Variants in LSAMP observed in about 807,000 individuals in gnomAD.
The protein encoded by LSAMP is limbic system associated membrane protein.
LSAMP carries 7 observed loss-of-function variants against 38.6 expected under a neutral mutation model. The ratio of observed to expected loss-of-function variants is 0.18; its 90% confidence interval spans 0.10 to 0.34. LSAMP has a LOEUF of 0.34. Among genes scored for constraint, LSAMP ranks in the 10% least tolerant of loss-of-function variants. The probability of loss-of-function intolerance (pLI) is 1.00; values close to 1 mark genes in which losing one functional copy is unlikely to be tolerated. For missense variants in LSAMP, 313 were observed against 420.0 expected (o/e 0.75, Z 2.23); for synonymous variants, 154 against 166.8 (o/e 0.92, Z 0.59).
In LSAMP at chr3:116,274,954, C is replaced by CAAAA. The variant is rs10662824; in HGVS notation, c.155+169919_155+169922dup. ...AGGAATAACATCGAGTAAAAATAGC[C>CAAAA]AAAAAAAAAAAAAAACTGCTGCCCA... On this transcript the variant is annotated intron_variant, in intron 1 of 6. Coordinates refer to ENST00000490035, the MANE Select transcript of LSAMP (RefSeq NM_002338.5). Among the ~76,000 whole-genome samples, 163 of 136,304 alleles carry CAAAA rather than the reference C, an allele frequency of 1.2e-3. 2 individuals are homozygous for CAAAA. Among genetic ancestry groups the CAAAA allele is most frequent in the East Asian group, 6.3e-3 (30 of 4,752 alleles). 89.4% of individuals were successfully genotyped at this position (136,304 alleles called of 152,430 possible).
intron 6 of LSAMP, among the ~76,000 whole-genome samples, chr3:115,838,840 T>A (rs1171586276): frequency 6.6e-6 from 1 of 152,216 alleles, no homozygotes; most frequent in Non-Finnish European, 1.5e-5. Context: ...GTGTGAAAAG[T>A]CAGCTCATCA....
chr3:116,003,169 T>C (rs539844048), intron 3 of LSAMP, among the ~76,000 whole-genome samples: 1 of 152,186 alleles, frequency 6.6e-6, no homozygotes, highest in Non-Finnish European at 1.5e-5. Context: ...TAGATCCTTA[T>C]ATGACTGAAG....
chr3:115,872,325 AGTT>A (rs1405376612), intron 3 of LSAMP, among the ~76,000 whole-genome samples: 6 of 152,146 alleles, frequency 3.9e-5, no homozygotes, highest in Non-Finnish European at 7.4e-5. Context: ...CTTATCCTTT[AGTT>A]GTTATAACTA....
chr3:116,049,107 C>A (rs1325076504), intron 2 of LSAMP, among the ~76,000 whole-genome samples: 2 of 152,188 alleles, frequency 1.3e-5, no homozygotes, highest in Admixed American at 1.3e-4. Flanking sequence ...TGTTACAGAG[C>A]ATTGAAATGC....
In LSAMP at chr3:116,019,591, G is replaced by A; in HGVS notation, c.438C>T (p.Gly146=). 6.2e-7 allele frequency: 1 copy of A among 1,613,018 alleles called. No homozygotes were observed. Among genetic ancestry groups the A allele is most frequent in the Non-Finnish European group, 8.5e-7 (1 of 1,179,174 alleles). ...NISSDVTVNE[G]SNVTLVCMAN... is the part of the protein sequence containing the mutation. ...CCATGCAGACCAGAGTCACGTTGCT[G>A]CCCTCATTCACAGTGACATCCGAGG... Residue 146 remains glycine, a synonymous_variant, in exon 3 of 7, where the codon GGC becomes GGT. Coordinates refer to ENST00000490035, the MANE Select transcript of LSAMP (RefSeq NM_002338.5).
intron 1 of LSAMP, among the ~76,000 whole-genome samples, chr3:116,195,622 A>G (rs1710863879): frequency 6.6e-6 from 1 of 152,192 alleles, no homozygotes; most frequent in South Asian, 2.1e-4. Context: ...GAAATAGCAC[A>G]TACTTAGTCA....
At chr3:116,165,458 A>C (rs1472100357) in intron 1 of LSAMP, among the ~76,000 whole-genome samples, 2 of 152,186 alleles carry the variant, frequency 1.3e-5, no homozygotes, top group African/African-American at 4.8e-5. Context: ...AGGATAAAGA[A>C]AGAGAAAATA....
intron 3 of LSAMP, among the ~76,000 whole-genome samples, chr3:115,895,755 G>C (rs561826794): frequency 6.6e-6 from 1 of 152,084 alleles, no homozygotes; most frequent in South Asian, 2.1e-4. Flanking sequence ...TTTATCCAGG[G>C]CTCCTTGGAA....
intron 1 of LSAMP, among the ~76,000 whole-genome samples, chr3:116,161,201 T>C (rs1709879194): frequency 6.6e-6 from 1 of 152,192 alleles, no homozygotes; most frequent in Non-Finnish European, 1.5e-5. Flanking sequence ...GTTTTTGCAT[T>C]GTACCCACCA....
At chr3:116,083,925 C>A (rs1198356370) in intron 2 of LSAMP, among the ~76,000 whole-genome samples, 2 of 152,138 alleles carry the variant, frequency 1.3e-5, no homozygotes, top group African/African-American at 2.4e-5. Context: ...ACGTAATTGT[C>A]CAAAAATTCC....
intron 3 of LSAMP, among the ~76,000 whole-genome samples, chr3:115,925,661 A>G (rs1007627053): frequency 6.6e-6 from 1 of 152,328 alleles, no homozygotes; most frequent in East Asian, 1.9e-4. Context: ...CCTGAAACAC[A>G]TTTTGAAAGT....
At chr3:116,172,175 A>G (rs935014408) in intron 1 of LSAMP, among the ~76,000 whole-genome samples, 1 of 151,962 alleles carries the variant, frequency 6.6e-6, no homozygotes, top group African/African-American at 2.4e-5. Context: ...GTAAGTGTCT[A>G]TGTACAGATT....
At chr3:116,260,492 G>C (rs1220901018) in intron 1 of LSAMP, among the ~76,000 whole-genome samples, 1 of 152,000 alleles carries the variant, frequency 6.6e-6, no homozygotes, top group Non-Finnish European at 1.5e-5. Flanking sequence ...GAATAAAAAT[G>C]AGTGAGATAC....
intron 1 of LSAMP, among the ~76,000 whole-genome samples, chr3:116,176,849 A>G (rs1033733116): frequency 6.6e-6 from 1 of 152,182 alleles, no homozygotes; most frequent in Non-Finnish European, 1.5e-5. Context: ...AAATAAAATG[A>G]GAAATAGGTG....
At chr3:116,116,577 C>T (rs368708345) in intron 1 of LSAMP, among the ~76,000 whole-genome samples, 3 of 150,110 alleles carry the variant, frequency 2.0e-5, no homozygotes, top group Middle Eastern at 3.5e-3. Flanking sequence ...ACTAGCTGGG[C>T]GTGGTGGTGC....
At chr3:115,907,326 A>C (rs1458114229) in intron 3 of LSAMP, among the ~76,000 whole-genome samples, 1 of 152,146 alleles carries the variant, frequency 6.6e-6, no homozygotes, top group Admixed American at 6.6e-5. Flanking sequence ...GGAGGTGATT[A>C]GGTCATGAGG....
At chr3:115,943,366 G>A (rs1349438857) in intron 3 of LSAMP, among the ~76,000 whole-genome samples, 2 of 152,130 alleles carry the variant, frequency 1.3e-5, no homozygotes, top group African/African-American at 4.8e-5. Context: ...CTTGGGAGTT[G>A]GGGAGCTGGT....
chr3:116,026,206 C>T (rs1351478931), intron 2 of LSAMP, among the ~76,000 whole-genome samples: 2 of 152,124 alleles, frequency 1.3e-5, no homozygotes, highest in African/African-American at 4.8e-5. Flanking sequence ...TAAGTAAGAT[C>T]ATGACACAGT....
intron 3 of LSAMP, among the ~76,000 whole-genome samples, chr3:115,974,390 G>T (rs1185730905): frequency 6.6e-6 from 1 of 151,956 alleles, no homozygotes; most frequent in African/African-American, 2.4e-5. Flanking sequence ...AAATAAAAAA[G>T]AAATGGATGA....
Sources: allele counts gnomAD v4.1 joint callset (sites outside exome capture counted in the v4.1 genomes callset), GRCh38; gene constraint gnomAD v4.1.1; transcripts MANE v1.5; gene names NCBI Gene and HGNC (gene_info 2026-07-23, HGNC 2026-07-21).